The following ELMO1 variants were observed in gnomAD, a reference collection of about 807,000 sequenced individuals.
ELMO1 encodes engulfment and cell motility 1.
ELMO1 carries 26 observed loss-of-function variants against 98.9 expected under a neutral mutation model. The observed-to-expected ratio is 0.26, with a 90% confidence interval of 0.19 to 0.36. ELMO1 has a LOEUF of 0.36. Ranked by LOEUF, ELMO1 falls within the 10% of genes least tolerant of loss-of-function variation. The probability of loss-of-function intolerance (pLI) is 1.00; values close to 1 mark genes in which losing one functional copy is unlikely to be tolerated. For synonymous variants in ELMO1, 346 were observed against 346.0 expected (o/e 1.00, Z 0.00); for missense variants, 627 against 935.2 (o/e 0.67, Z 4.30).
At chr7:37,371,302 G>A (rs373020578) in intron 1 of ELMO1, among the ~76,000 whole-genome samples, 2 of 152,150 alleles carry the variant, frequency 1.3e-5, no homozygotes, top group South Asian at 2.1e-4. Context: ...TGGGATCCAC[G>A]CTTGAAAAGT....
intron 16 of ELMO1, among the ~76,000 whole-genome samples, chr7:36,973,935 C>T (rs139927316): frequency 0.026 from 3,969 of 152,332 alleles, 184 homozygotes; most frequent in African/African-American, 0.091. Context: ...AGCCCACCGG[C>T]GCTGAGCTCA....
In ELMO1 at chr7:36,870,279, T is replaced by C. The variant is rs1176330321; in HGVS notation, c.1905+114A>G. ...AAACAGGAGAGCTGAATAAGAGATG[T>C]GTGTCTGAACACACGCACACACACG... On this transcript the variant is annotated intron_variant, in intron 20 of 21. Coordinates refer to ENST00000310758, the MANE Select transcript of ELMO1 (RefSeq NM_014800.11). The surrounding 1 kb of genome is among the most constrained non-coding windows in gnomAD (Gnocchi z 4.4). The C allele has an allele frequency of 1.3e-6, 1 of 795,918 alleles. No individual in the cohort carries two copies. Among genetic ancestry groups the C allele is most frequent in the African/African-American group, 1.7e-5 (1 of 58,002 alleles). 49.3% of individuals were successfully genotyped at this position (795,918 alleles called of 1,614,324 possible).
At chr7:37,319,948 T>C (rs1799394280) in intron 2 of ELMO1, among the ~76,000 whole-genome samples, 1 of 152,076 alleles carries the variant, frequency 6.6e-6, no homozygotes, top group Admixed American at 6.6e-5. Flanking sequence ...ATATTACTCG[T>C]TTGCTCCAAT....
intron 16 of ELMO1, among the ~76,000 whole-genome samples, chr7:36,931,628 C>T (rs970830258): frequency 1.3e-5 from 2 of 152,192 alleles, no homozygotes; most frequent in Non-Finnish European, 2.9e-5. Flanking sequence ...TTCATCATCT[C>T]CCCAATCACC....
At chr7:37,234,396 C>T (rs535758410) in intron 7 of ELMO1, among the ~76,000 whole-genome samples, 7 of 152,338 alleles carry the variant, frequency 4.6e-5, no homozygotes, top group Non-Finnish European at 8.8e-5. Flanking sequence ...CTTCTTCCTA[C>T]TGTTCTACTC....
At chr7:37,208,209 T>C (rs1584810476) in intron 13 of ELMO1, among the ~76,000 whole-genome samples, 1 of 152,264 alleles carries the variant, frequency 6.6e-6, no homozygotes, top group Non-Finnish European at 1.5e-5. Context: ...TAGTCGCTGG[T>C]AGACGGTCCT....
At chr7:37,228,385 C>T (rs528982257) in intron 8 of ELMO1, among the ~76,000 whole-genome samples, 15 of 152,230 alleles carry the variant, frequency 9.9e-5, no homozygotes, top group Admixed American at 4.6e-4. Flanking sequence ...ATAATGATTC[C>T]CTCTGCCTTT....
intron 4 of ELMO1, among the ~76,000 whole-genome samples, chr7:37,307,467 G>A (rs1301452727): frequency 6.6e-6 from 1 of 152,120 alleles, no homozygotes; most frequent in African/African-American, 2.4e-5. Flanking sequence ...CAGCCCTGCG[G>A]AACTGTGAGT....
intron 1 of ELMO1, among the ~76,000 whole-genome samples, chr7:37,383,303 ATT>A (rs2131392385): frequency 6.6e-6 from 1 of 152,264 alleles, no homozygotes; most frequent in African/African-American, 2.4e-5. Flanking sequence ...TGACGCTGAC[ATT>A]TTTTAAGAGT....
At chr7:37,254,919 C>A (rs1453308276) in intron 6 of ELMO1, among the ~76,000 whole-genome samples, 3 of 152,076 alleles carry the variant, frequency 2.0e-5, no homozygotes, top group African/African-American at 4.8e-5. Flanking sequence ...ACCTGCTGTC[C>A]CCCATCCTGG....
At chr7:37,087,328 T>C (rs1024503871) in intron 15 of ELMO1, among the ~76,000 whole-genome samples, 3 of 152,194 alleles carry the variant, frequency 2.0e-5, no homozygotes, top group African/African-American at 7.2e-5. Flanking sequence ...ATAGTAATGG[T>C]GAATAATAAT....
intron 15 of ELMO1, among the ~76,000 whole-genome samples, chr7:37,086,860 G>A (rs1249262494): frequency 5.2e-5 from 7 of 135,060 alleles, no homozygotes; most frequent in South Asian, 2.2e-4. Flanking sequence ...GAGTCATCCC[G>A]TGAAGTTTCC....
rs1369964453 is a variant in ELMO1 at position 36,870,781 on chromosome 7, T to C, written c.1823-306A>G. On this transcript the variant is annotated intron_variant, in intron 19 of 21. Transcript: ENST00000310758. The surrounding 1 kb of genome is among the most constrained non-coding windows in gnomAD (Gnocchi z 4.4). ...ATAGTACTGTTTGAAGTCATGGCATTAGAAGCAGCAGTAGAAATAACAGTG... is the reference window on the plus strand; with the variant it reads ...ATAGTACTGTTTGAAGTCATGGCATCAGAAGCAGCAGTAGAAATAACAGTG... Among the ~76,000 whole-genome samples the C allele has an allele frequency of 6.6e-6, 1 of 152,224 alleles. No individual in the cohort carries two copies. The highest frequency in any genetic ancestry group is 2.4e-5 in the African/African-American group (1 of 41,464).
In ELMO1 at chr7:37,331,552, C is replaced by T. The variant is rs147356707; in HGVS notation, c.78+11061G>A. Among the ~76,000 whole-genome samples, 154 of 151,792 alleles carry T rather than the reference C, an allele frequency of 1.0e-3. 1 individual carries two copies. In the Middle Eastern group the frequency reaches 0.024, roughly 23 times the overall value. On this transcript the variant is annotated intron_variant, in intron 2 of 21. Transcript: ENST00000310758. The stretch of plus-strand genomic sequence containing the variant: ...ACATACACCTGTTCACAATTTATAC[C>T]CATTTGCTTTGTCCTCATAATCTCC...
chr7:37,182,680 G>C (rs1379071750), intron 13 of ELMO1, among the ~76,000 whole-genome samples: 1 of 151,650 alleles, frequency 6.6e-6, no homozygotes, highest in African/African-American at 2.4e-5. Context: ...GTATGGTTTA[G>C]AGTAAATAAA....
At chr7:37,033,686 A>G (rs1312497690) in intron 15 of ELMO1, among the ~76,000 whole-genome samples, 1 of 152,212 alleles carries the variant, frequency 6.6e-6, no homozygotes, top group Non-Finnish European at 1.5e-5. Flanking sequence ...AGAATTTGGA[A>G]AAGAAATTGC....
chr7:36,941,993 T>C (rs1005822458), intron 16 of ELMO1, among the ~76,000 whole-genome samples: 5 of 152,254 alleles, frequency 3.3e-5, no homozygotes, highest in Non-Finnish European at 7.3e-5. Flanking sequence ...ATCGTGTTAG[T>C]AAGCTAGCAT....
At chr7:37,032,813 A>C (rs1205373953) in intron 15 of ELMO1, among the ~76,000 whole-genome samples, 2 of 152,174 alleles carry the variant, frequency 1.3e-5, no homozygotes, top group Non-Finnish European at 2.9e-5. Context: ...ACTTATCCAC[A>C]GAGATGGATC....
At chr7:37,166,135 T>C (rs1338130720) in intron 13 of ELMO1, among the ~76,000 whole-genome samples, 1 of 152,234 alleles carries the variant, frequency 6.6e-6, no homozygotes, top group Non-Finnish European at 1.5e-5. Flanking sequence ...TAGAGGTGTT[T>C]GTAGTAATCT....
Sources: gnomAD v4.1 joint callset for allele counts (sites outside exome capture counted in the v4.1 genomes callset) on GRCh38, gnomAD v4.1.1 for gene constraint, Gnocchi (gnomAD v3.1) non-coding constraint, MANE v1.5 for transcripts, NCBI Gene and HGNC (gene_info 2026-07-23, HGNC 2026-07-21) for gene names.